The following FADS2 variants were observed in gnomAD, a reference collection of about 807,000 sequenced individuals.
FADS2 encodes fatty acid desaturase 2.
Under a neutral mutation model 61.2 loss-of-function variants are expected in FADS2, and 18 were observed. That is an observed-to-expected ratio of 0.29 (90% CI 0.20 to 0.44). The LOEUF (loss-of-function observed/expected upper bound fraction) is 0.44, where lower values mean the gene tolerates loss of function less well. Among genes scored for constraint, FADS2 ranks in the 20% least tolerant of loss-of-function variants. FADS2 has a pLI of 1.00. For missense variants in FADS2, 322 were observed against 572.7 expected, an observed-to-expected ratio of 0.56 and a Z score of 4.47; for synonymous variants, 203 against 223.9, an observed-to-expected ratio of 0.91 and a Z score of 0.83.
At position 61,836,051 on chromosome 11, in the gene FADS2, A is replaced by G. The variant is rs183810232; in HGVS notation, c.208-1727A>G. ...CTGGTATAACTTCTTTTTTCCTTCA[A>G]GTGAGAGCCTGTCACATTAAAGAAT... On this transcript the variant is annotated intron_variant, in intron 1 of 11. Transcript: ENST00000278840. Among the ~76,000 whole-genome samples, 17 of 152,228 alleles carry G rather than the reference A, an allele frequency of 1.1e-4. No individual in the cohort carries two copies. In the East Asian group the frequency reaches 3.1e-3, roughly 28 times the overall value.
intron 7 of FADS2, chr11:61,861,905 C>T (rs113003506): frequency 0.093 from 14,123 of 152,350 alleles, 825 homozygotes; most frequent in Non-Finnish European, 0.12. Flanking sequence ...GCTGGAATAA[C>T]TTCCTAGTCT....
At chr11:61,856,207 C>A (rs182201609) in intron 5 of FADS2, 4 of 152,308 alleles carry the variant, frequency 2.6e-5, no homozygotes, top group East Asian at 1.9e-4. Context: ...CTCCAGGGAT[C>A]CCCTGGGGCC....
intron 7 of FADS2, 150 bp downstream of exon 7, chr11:61,857,680 G>A (rs2067374363): frequency 1.5e-6 from 1 of 670,748 alleles, no homozygotes; most frequent in African/African-American, 1.8e-5. Flanking sequence ...CTCAGGAAAG[G>A]ACTCCCTCTG....
intron 5 of FADS2, chr11:61,855,723 A>C (rs1402793996): frequency 6.6e-6 from 1 of 152,254 alleles, no homozygotes; most frequent in East Asian, 1.9e-4. Context: ...TCAGGAATCC[A>C]TGCTCTCCCT....
upstream of FADS2, among the ~76,000 whole-genome samples, chr11:61,823,914 T>C (rs542004857): frequency 3.3e-4 from 51 of 152,338 alleles, no homozygotes; most frequent in African/African-American, 1.2e-3. Flanking sequence ...TTGAAAATTA[T>C]TCATTTTTTA....
chr11:61,820,864 C>CT, intron 1 of FADS2, among the ~76,000 whole-genome samples: 1 of 152,250 alleles, frequency 6.6e-6, no homozygotes, highest in South Asian at 2.1e-4. Flanking sequence ...TGCACCACTG[C>CT]ACTCCAGCCT....
chr11:61,845,673 A>G lies in FADS2; in HGVS notation c.619-2486A>G, dbSNP rs548491026. Among the ~76,000 whole-genome samples, 15 of 151,992 alleles carry G rather than the reference A, an allele frequency of 9.9e-5. No individual in the cohort carries two copies. In the East Asian group the frequency reaches 1.5e-3, roughly 16 times the overall value. ...CCGGGCATGGTGGCGGGCGCCTATAATCTCAGCTACTCGGAAGGCTGAGGT... is the reference window on the plus strand; with the variant it reads ...CCGGGCATGGTGGCGGGCGCCTATAGTCTCAGCTACTCGGAAGGCTGAGGT... On this transcript the variant is annotated intron_variant, in intron 4 of 11. Coordinates refer to ENST00000278840, the MANE Select transcript of FADS2 (RefSeq NM_004265.4).
At chr11:61,841,258 G>A (rs920568845) in intron 4 of FADS2, among the ~76,000 whole-genome samples, 3 of 151,916 alleles carry the variant, frequency 2.0e-5, no homozygotes, top group Non-Finnish European at 4.4e-5. Flanking sequence ...TGCTATGTTG[G>A]TCAGGCCGGT....
Position 61,816,861 on chromosome 11 carries a change from C to T in FADS2, c.141+435C>T. The T allele has an allele frequency of 6.8e-7, 1 of 1,480,290 alleles. No homozygotes were observed. Among genetic ancestry groups the T allele is most frequent in the Non-Finnish European group, 8.9e-7 (1 of 1,126,188 alleles). 91.7% of individuals were successfully genotyped at this position (1,480,290 alleles called of 1,614,324 possible). A position where few individuals can be genotyped will look rare whatever the true frequency, so the allele number is the denominator to read the frequency against. ...GGATTTGCTGGCGCGCGCCCAGAGC[C>T]AGCCGCCTGCGCGCCGGGTTTTCAG... On this transcript the variant is annotated intron_variant, in intron 1 of 11. Transcript: ENST00000257261. The surrounding 1 kb of genome is among the most constrained non-coding windows in gnomAD (Gnocchi z 7.0).
chr11:61,821,566 C>G, intron 1 of FADS2: 2 of 618,866 alleles, frequency 3.2e-6, no homozygotes, highest in South Asian at 3.8e-5. Flanking sequence ...ATAGGAGAAG[C>G]AATACCGGTT....
At chr11:61,844,673 C>T (rs1222263352) in intron 4 of FADS2, among the ~76,000 whole-genome samples, 2 of 152,188 alleles carry the variant, frequency 1.3e-5, no homozygotes, top group South Asian at 2.1e-4. Context: ...CGCCTGTAAT[C>T]CCAGCACTTT....
chr11:61,843,975 A>T lies in FADS2; in HGVS notation c.618+3250A>T, dbSNP rs890083089. On this transcript the variant is annotated intron_variant, in intron 4 of 11. Transcript: ENST00000278840. Reference sequence around the variant, plus strand: ...CACGCCCGGCCTGCAATATGTTTTTAAAAAAATCAAAATTAATGCAAAAAA... The same window carrying T: ...CACGCCCGGCCTGCAATATGTTTTTTAAAAAATCAAAATTAATGCAAAAAA... Among the ~76,000 whole-genome samples the T allele has an allele frequency of 9.9e-5, 15 of 152,090 alleles. 1 individual carries two copies. Among genetic ancestry groups the T allele is most frequent in the South Asian group, 4.2e-4 (2 of 4,816 alleles).
chr11:61,851,109 A>G (rs1452763481), intron 5 of FADS2, among the ~76,000 whole-genome samples: 19 of 152,202 alleles, frequency 1.2e-4, no homozygotes. Flanking sequence ...ACAGTTTGCC[A>G]GCTTTAATTA....
At position 61,816,909 on chromosome 11, in the gene FADS2, C is replaced by G. The variant is rs1591158021; in HGVS notation, c.141+483C>G. The G allele has an allele frequency of 1.4e-6, 2 of 1,407,164 alleles. No individual in the cohort carries two copies. The highest frequency in any genetic ancestry group is 1.8e-6 in the Non-Finnish European group (2 of 1,092,338). 87.2% of individuals were successfully genotyped at this position (1,407,164 alleles called of 1,614,324 possible). On this transcript the variant is annotated intron_variant, in intron 1 of 11. Coordinates refer to the FADS2 transcript ENST00000257261. This position sits in a 1 kb window ranked among gnomAD's most constrained non-coding sequence, Gnocchi z 7.0. ...CAGCACCGCAGGGCAGACCGGCGGGCCTCGCAGCGCGCGTTCCCATTGGCC... is the reference window on the plus strand; with the variant it reads ...CAGCACCGCAGGGCAGACCGGCGGGGCTCGCAGCGCGCGTTCCCATTGGCC...
At position 61,816,434 on chromosome 11, in the gene FADS2, C is replaced by T. The variant is rs775465072; in HGVS notation, c.141+8C>T. The T allele has an allele frequency of 1.3e-6, 2 of 1,599,100 alleles. No homozygotes were observed. The highest frequency in any genetic ancestry group is 8.5e-7 in the Non-Finnish European group (1 of 1,179,794). On this transcript the variant is annotated splice_region_variant and intron_variant, in intron 1 of 11. Transcript: ENST00000257261. This position sits in a 1 kb window ranked among gnomAD's most constrained non-coding sequence, Gnocchi z 7.0. ...CCAATCACCGGGCAACAGGTATGAT[C>T]AGGCGCCTCCGGGCTTTCCTCCGAA... is the stretch of plus-strand genomic sequence containing the variant.
Position 61,819,314 on chromosome 11 carries a change from G to A in FADS2, c.141+2888G>A, listed in dbSNP as rs1168407281. Among the ~76,000 whole-genome samples, 4 of 152,240 alleles carry A rather than the reference G, an allele frequency of 2.6e-5. 1 individual carries two copies. The highest frequency in any genetic ancestry group is 2.6e-4 in the Admixed American group (4 of 15,292). On this transcript the variant is annotated intron_variant, in intron 1 of 11. Coordinates refer to the FADS2 transcript ENST00000257261. ...TTATAGGTCAGGCGGGGTGCCTCAC[G>A]CCTATAATCCTAGCACTTTGGGAGG...
In FADS2 at chr11:61,866,450, T is replaced by G. The variant is rs946852461; in HGVS notation, c.*761T>G. On this transcript the variant is annotated 3_prime_UTR_variant, in exon 12 of 12. Coordinates refer to ENST00000278840, the MANE Select transcript of FADS2 (RefSeq NM_004265.4). ...ACCAAAGGGGGAGTCCCTCGTCTCT[T>G]GTGACTCAGCAGAGGCAGTGGCCAC... The G allele has an allele frequency of 6.5e-6, 1 of 155,018 alleles. No homozygotes were observed. Among genetic ancestry groups the G allele is most frequent in the African/African-American group, 2.4e-5 (1 of 41,584 alleles). 9.6% of individuals were successfully genotyped at this position (155,018 alleles called of 1,614,324 possible). A position where few individuals can be genotyped will look rare whatever the true frequency, so the allele number is the denominator to read the frequency against.
At chr11:61,824,502 G>GA (rs140558358), upstream of FADS2, among the ~76,000 whole-genome samples, 76 of 21,694 alleles carry the variant, frequency 3.5e-3, 18 homozygotes, top group East Asian at 0.029. Context: ...AAGAAAGAAA[G>GA]GAAAGAAAGA....
chr11:61,859,682 G>A (rs1017469602), intron 7 of FADS2, among the ~76,000 whole-genome samples: 3 of 152,038 alleles, frequency 2.0e-5, no homozygotes, highest in East Asian at 3.9e-4. Context: ...ATCCAATCCC[G>A]TTCTAACTCA....
Sources: allele counts gnomAD v4.1 joint callset (sites outside exome capture counted in the v4.1 genomes callset), GRCh38; gene constraint gnomAD v4.1.1; non-coding constraint Gnocchi (gnomAD v3.1); transcripts MANE v1.5; gene names NCBI Gene and HGNC (gene_info 2026-07-23, HGNC 2026-07-21).